ZDHHC17: variants seen among roughly 807,000 people sequenced by gnomAD.
ZDHHC17 encodes the protein zDHHC palmitoyltransferase 17.
Under a neutral mutation model 90.3 loss-of-function variants are expected in ZDHHC17, and 40 were observed. The ratio of observed to expected loss-of-function variants is 0.44; its 90% confidence interval spans 0.34 to 0.58. The LOEUF (loss-of-function observed/expected upper bound fraction) is 0.58. Among genes scored for constraint, ZDHHC17 ranks in the 20% least tolerant of loss-of-function variants. The pLI, the probability that ZDHHC17 is intolerant of heterozygous loss-of-function variation, is 0.01. For synonymous variants in ZDHHC17, 235 were observed against 252.4 expected, an observed-to-expected ratio of 0.93 and a Z score of 0.65; for missense variants, 614 against 780.8, an observed-to-expected ratio of 0.79 and a Z score of 2.55.
chr12:76,764,241 A>G lies in ZDHHC17; in HGVS notation c.5A>G (p.Gln2Arg). The change falls in exon 1 of 17, where the codon CAG (glutamine) becomes CGG (arginine). Residue 2 changes from glutamine to arginine, a missense_variant. Transcript: ENST00000426126. M[Q>R]REEGFNTKMA... ...GGTGAAACGCTTTCTCCCAGCATGC[A>G]GCGGGAGGAGGGATTTAACACCAAG... 1 of 1,599,340 alleles carries G rather than the reference A, an allele frequency of 6.3e-7. No homozygotes were observed. The highest frequency in any genetic ancestry group is 8.5e-7 in the Non-Finnish European group (1 of 1,173,036).
At chr12:76,846,186 C>CA in intron 13 of ZDHHC17, 1 of 229,240 alleles carries the variant, frequency 4.4e-6, no homozygotes, top group Non-Finnish European at 8.5e-6. Context: ...AGAGAAACTA[C>CA]ATGGTTTGAG....
At chr12:76,837,520 C>T (rs895885075) in intron 10 of ZDHHC17, among the ~76,000 whole-genome samples, 2 of 152,052 alleles carry the variant, frequency 1.3e-5, no homozygotes, top group Admixed American at 6.6e-5. Flanking sequence ...TACTTAAGAA[C>T]ACATTTGTTA....
chr12:76,847,382 G>A (rs1313576510), intron 14 of ZDHHC17, among the ~76,000 whole-genome samples: 1 of 152,178 alleles, frequency 6.6e-6, no homozygotes, highest in East Asian at 1.9e-4. Context: ...AAAATAATCA[G>A]TGTTATTGCC....
intron 5 of ZDHHC17, among the ~76,000 whole-genome samples, chr12:76,814,215 C>CT (rs1565787459): frequency 6.6e-6 from 1 of 151,728 alleles, no homozygotes; most frequent in African/African-American, 2.4e-5. Context: ...AATTAGATAA[C>CT]TAGGAAAGAG....
chr12:76,804,730 G>C (rs146817756), intron 2 of ZDHHC17, among the ~76,000 whole-genome samples: 26 of 152,306 alleles, frequency 1.7e-4, no homozygotes, highest in African/African-American at 6.3e-4. Flanking sequence ...TGAGGAGCTG[G>C]GGGAGGGACT....
chr12:76,815,358 G>A (rs1223059014), intron 6 of ZDHHC17, 148 bp downstream of exon 6: 4 of 424,454 alleles, frequency 9.4e-6, no homozygotes, highest in Admixed American at 4.2e-5. Context: ...CATTTTGGAT[G>A]TTCTGGTATC....
At chr12:76,791,732 A>T (rs1952762001) in intron 1 of ZDHHC17, among the ~76,000 whole-genome samples, 1 of 152,188 alleles carries the variant, frequency 6.6e-6, no homozygotes, top group Non-Finnish European at 1.5e-5. Flanking sequence ...TGAAGTCCCC[A>T]CTTCAGATGC....
At chr12:76,812,649 T>C (rs985893788) in intron 5 of ZDHHC17, among the ~76,000 whole-genome samples, 4 of 152,174 alleles carry the variant, frequency 2.6e-5, no homozygotes, top group African/African-American at 9.7e-5. Flanking sequence ...TTTCTTTGAT[T>C]CATGGCTACT....
intron 1 of ZDHHC17, among the ~76,000 whole-genome samples, chr12:76,774,573 C>G (rs1424010315): frequency 1.3e-5 from 2 of 152,158 alleles, no homozygotes; most frequent in Non-Finnish European, 2.9e-5. Context: ...AGATTTGTTA[C>G]TGGACCACAT....
intron 10 of ZDHHC17, among the ~76,000 whole-genome samples, chr12:76,830,492 A>G (rs1318760734): frequency 6.6e-6 from 1 of 152,138 alleles, no homozygotes; most frequent in African/African-American, 2.4e-5. Flanking sequence ...GGCAGTTTTC[A>G]CTAACAAATT....
intron 10 of ZDHHC17, among the ~76,000 whole-genome samples, chr12:76,829,455 CAAAAAAAAAA>C (rs58051393): frequency 4.2e-5 from 3 of 71,904 alleles, no homozygotes; most frequent in African/African-American, 1.3e-4. Context: ...GACTATGTCT[CAAAAAAAAAA>C]AAAAAAAAAA....
chr12:76,830,905 T>C (rs1953292194), intron 10 of ZDHHC17, among the ~76,000 whole-genome samples: 1 of 152,050 alleles, frequency 6.6e-6, no homozygotes, highest in African/African-American at 2.4e-5. Flanking sequence ...ATAAAATAGC[T>C]AAAGCTAGGG....
chr12:76,846,358 T>A (rs1173984001), intron 13 of ZDHHC17: 8 of 464,160 alleles, frequency 1.7e-5, no homozygotes, highest in African/African-American at 6.0e-5. Context: ...TTGTGATTTA[T>A]TTAGTTCTTT....
At chr12:76,780,724 C>G (rs1348454417) in intron 1 of ZDHHC17, among the ~76,000 whole-genome samples, 1 of 152,146 alleles carries the variant, frequency 6.6e-6, no homozygotes. Context: ...TTTTCAATAG[C>G]ATTGATGTAG....
chr12:76,816,418 ATTTC>A (rs752497909), intron 7 of ZDHHC17, among the ~76,000 whole-genome samples: 11 of 152,004 alleles, frequency 7.2e-5, no homozygotes, highest in Non-Finnish European at 1.5e-4. Flanking sequence ...AATTTTGGTT[ATTTC>A]TTTTCATTTT....
At chr12:76,838,842 G>A (rs1953399637) in intron 10 of ZDHHC17, among the ~76,000 whole-genome samples, 1 of 152,162 alleles carries the variant, frequency 6.6e-6, no homozygotes, top group African/African-American at 2.4e-5. Context: ...AATTGAGTGG[G>A]ACTGAGGAGT....
At chr12:76,847,575 G>A (rs924223898) in intron 14 of ZDHHC17, among the ~76,000 whole-genome samples, 3 of 152,196 alleles carry the variant, frequency 2.0e-5, no homozygotes, top group African/African-American at 7.2e-5. Flanking sequence ...TACCTTGGCT[G>A]GGCATGGTGG....
intron 1 of ZDHHC17, among the ~76,000 whole-genome samples, chr12:76,791,405 A>G (rs78476880): frequency 0.14 from 21,943 of 152,020 alleles, 1,969 homozygotes; most frequent in Non-Finnish European, 0.2. Context: ...GCCTATTTCT[A>G]TGGCTGTAAC....
intron 1 of ZDHHC17, among the ~76,000 whole-genome samples, chr12:76,787,701 G>T (rs11115385): frequency 1.3e-5 from 2 of 151,804 alleles, no homozygotes; most frequent in African/African-American, 4.8e-5. Flanking sequence ...GTATTCAAAG[G>T]TATCTAAAAT....
Sources: allele counts gnomAD v4.1 joint callset (sites outside exome capture counted in the v4.1 genomes callset), GRCh38; gene constraint gnomAD v4.1.1; transcripts MANE v1.5; gene names NCBI Gene and HGNC (gene_info 2026-07-23, HGNC 2026-07-21).